Variants in FAM53A observed in about 807,000 individuals in gnomAD.
FAM53A encodes the protein family with sequence similarity 53 member A, also known as protein FAM53A.
FAM53A carries 28 observed loss-of-function variants against 26.6 expected under a neutral mutation model. The observed-to-expected ratio is 1.05, with a 90% CI of 0.78 to 1.45. The LOEUF (loss-of-function observed/expected upper bound fraction) is 1.45, where lower values mean the gene tolerates loss of function less well. FAM53A is among the 40% of genes most tolerant of loss of function. FAM53A has a pLI of 0.00. For missense variants in FAM53A, 650 were observed against 575.8 expected (o/e 1.13, Z -1.32); for synonymous variants, 290 against 253.1 (o/e 1.15, Z -1.38).
At chr4:1,645,945 T>C (rs1712203899) in intron 4 of FAM53A, among the ~76,000 whole-genome samples, 1 of 152,058 alleles carries the variant, frequency 6.6e-6, no homozygotes, top group Admixed American at 6.5e-5. Flanking sequence ...GAGAGCCTCA[T>C]AAAGGGCTGG....
chr4:1,650,329 G>C (rs970158655), intron 4 of FAM53A, among the ~76,000 whole-genome samples: 3 of 149,722 alleles, frequency 2.0e-5, no homozygotes, highest in African/African-American at 7.4e-5. Flanking sequence ...CATAGTGTTT[G>C]ACTGTGAGGT....
rs192656097 is a variant in FAM53A, at chr4:1,665,381, C to T, written c.75+3286G>A. On this transcript the variant is annotated intron_variant, in intron 2 of 4. Transcript: ENST00000308132. ...GCACACCCCTGTAGTCCCAGCTACT[C>T]GGGAGGCTGAGGCGAGAGAATCGCT... Among the ~76,000 whole-genome samples, 25 of 151,056 alleles carry T rather than the reference C, an allele frequency of 1.7e-4. No individual in the cohort carries two copies. The East Asian group carries it at 4.5e-3, about 27-fold the overall frequency.
the FAM53A span, among the ~76,000 whole-genome samples, chr4:1,586,188 G>C: frequency 9.9e-5 from 15 of 152,010 alleles, no homozygotes; most frequent in African/African-American, 3.6e-4. Flanking sequence ...CTCTTGGTGA[G>C]ACTGATTTTT....
chr4:1,626,345 G>A (rs1341634596), intron 1 of FAM53A, among the ~76,000 whole-genome samples: 1 of 152,244 alleles, frequency 6.6e-6, no homozygotes, highest in Non-Finnish European at 1.5e-5. Flanking sequence ...CACAGCAGAA[G>A]CTGACCCAGA....
At chr4:1,644,424 G>C in intron 4 of FAM53A, 1 of 1,492,764 alleles carries the variant, frequency 6.7e-7, no homozygotes, top group Non-Finnish European at 8.9e-7. Context: ...CCACAGACAC[G>C]GCAGCTGTAC....
chr4:1,651,755 GAC>G (rs1712806181), intron 4 of FAM53A, among the ~76,000 whole-genome samples: 1 of 150,678 alleles, frequency 6.6e-6, no homozygotes, highest in East Asian at 1.9e-4. Flanking sequence ...TGGGGACAGG[GAC>G]ACACAGGCTC....
intron 1 of FAM53A, among the ~76,000 whole-genome samples, chr4:1,625,825 C>T (rs947718167): frequency 2.0e-5 from 3 of 151,894 alleles, no homozygotes; most frequent in Non-Finnish European, 4.4e-5. Context: ...GTCAGGGTCA[C>T]GCCAAGTGGA....
At chr4:1,583,926 T>C in the FAM53A span, among the ~76,000 whole-genome samples, 1 of 152,272 alleles carries the variant, frequency 6.6e-6, no homozygotes, top group Non-Finnish European at 1.5e-5. Flanking sequence ...TGCGTCTTTC[T>C]GATCACTGGA....
the FAM53A span, among the ~76,000 whole-genome samples, chr4:1,600,674 T>C: frequency 6.6e-6 from 1 of 152,222 alleles, no homozygotes; most frequent in Non-Finnish European, 1.5e-5. Flanking sequence ...TTTTCGTTTT[T>C]GAGGCAGGAT....
chr4:1,663,511 C>A (rs1026211465), intron 2 of FAM53A, among the ~76,000 whole-genome samples: 2 of 152,190 alleles, frequency 1.3e-5, no homozygotes, highest in Admixed American at 1.3e-4. Flanking sequence ...GTCTCTCAAA[C>A]ACGAACCTGA....
chr4:1,681,353 G>A (rs950023419), intron 1 of FAM53A, among the ~76,000 whole-genome samples: 3 of 151,954 alleles, frequency 2.0e-5, no homozygotes, highest in Admixed American at 2.0e-4. Context: ...CCACCTTGTA[G>A]GGTCCAGCCC....
intron 1 of FAM53A, among the ~76,000 whole-genome samples, chr4:1,625,733 G>A (rs1190910740): frequency 1.5e-5 from 2 of 137,798 alleles, no homozygotes; most frequent in East Asian, 2.1e-4. Context: ...GTCACGCCAG[G>A]TGATCAGAAG....
downstream of FAM53A, among the ~76,000 whole-genome samples, chr4:1,614,689 G>A (rs1442481786): frequency 6.6e-6 from 1 of 152,158 alleles, no homozygotes; most frequent in Non-Finnish European, 1.5e-5. Flanking sequence ...CAGCCCAGGG[G>A]AGGTTCCTGC....
At chr4:1,594,826 G>C in the FAM53A span, among the ~76,000 whole-genome samples, 1 of 152,152 alleles carries the variant, frequency 6.6e-6, no homozygotes, top group Non-Finnish European at 1.5e-5. Flanking sequence ...CTGGGCAACA[G>C]AGCAAGACCC....
chr4:1,608,967 C>A, the FAM53A span, among the ~76,000 whole-genome samples: 2 of 152,074 alleles, frequency 1.3e-5, no homozygotes, highest in Admixed American at 6.5e-5. Context: ...GAGGGAGAGA[C>A]ACAGATGGCC....
chr4:1,673,875 T>G (rs1714853334), intron 1 of FAM53A, among the ~76,000 whole-genome samples: 1 of 152,242 alleles, frequency 6.6e-6, no homozygotes, highest in African/African-American at 2.4e-5. Flanking sequence ...CCACGCCTAC[T>G]GCCAAAAGCA....
At chr4:1,652,003 C>CGCCA (rs1213766242) in intron 4 of FAM53A, among the ~76,000 whole-genome samples, 6 of 138,698 alleles carry the variant, frequency 4.3e-5, no homozygotes, top group African/African-American at 1.6e-4. Flanking sequence ...CACACACACA[C>CGCCA]CACACACGTC....
chr4:1,676,291 A>G (rs1405720023), intron 1 of FAM53A, among the ~76,000 whole-genome samples: 1 of 152,078 alleles, frequency 6.6e-6, no homozygotes, highest in Non-Finnish European at 1.5e-5. Context: ...TTCCCACCGC[A>G]TTCTCCCTGC....
the FAM53A span, among the ~76,000 whole-genome samples, chr4:1,577,294 G>A: frequency 4.6e-5 from 7 of 152,224 alleles, no homozygotes; most frequent in Non-Finnish European, 1.0e-4. Flanking sequence ...GAACCCAGGG[G>A]AAGGTGGCCT....
Sources: gnomAD v4.1 joint callset for allele counts (sites outside exome capture counted in the v4.1 genomes callset) on GRCh38, gnomAD v4.1.1 for gene constraint, MANE v1.5 for transcripts, NCBI Gene and HGNC (gene_info 2026-07-23, HGNC 2026-07-21) for gene names.